The following KIAA0825 variants were observed in gnomAD, a reference collection of about 807,000 sequenced individuals.
KIAA0825 encodes uncharacterized protein KIAA0825.
KIAA0825 carries 119 observed loss-of-function variants against 147.6 expected under a neutral mutation model. That is an observed-to-expected ratio of 0.81 (90% CI 0.69 to 0.94). KIAA0825 has a LOEUF of 0.94. KIAA0825 is among the 40% of genes least tolerant of loss of function. The pLI, the probability that KIAA0825 is intolerant of heterozygous loss-of-function variation, is 0.00. For missense variants in KIAA0825, 1,381 were observed against 1,472.7 expected, an observed-to-expected ratio of 0.94 and a Z score of 1.02; for synonymous variants, 470 against 518.1, an observed-to-expected ratio of 0.91 and a Z score of 1.26.
At chr5:94,525,099 T>G (rs1406958641) in intron 3 of KIAA0825, among the ~76,000 whole-genome samples, 1 of 151,774 alleles carries the variant, frequency 6.6e-6, no homozygotes, top group Non-Finnish European at 1.5e-5. Flanking sequence ...GCAAATTCCT[T>G]TGAAGCTGAA....
At chr5:94,254,784 T>C (rs1776156583) in intron 20 of KIAA0825, among the ~76,000 whole-genome samples, 2 of 152,124 alleles carry the variant, frequency 1.3e-5, no homozygotes, top group Admixed American at 1.3e-4. Context: ...CCTGGTCTTC[T>C]GTATCTCATT....
intron 20 of KIAA0825, among the ~76,000 whole-genome samples, chr5:94,346,413 C>T (rs1218161928): frequency 6.6e-6 from 1 of 152,126 alleles, no homozygotes; most frequent in Non-Finnish European, 1.5e-5. Context: ...CAAGAACAAA[C>T]CAGCAATCCC....
chr5:94,288,736 T>C lies in KIAA0825; in HGVS notation c.3710+95632A>G, dbSNP rs1487203857. ...ATGGAAACTTTTGTAAAAACAGCTT[T>C]AAACACCCTGTTTGCCAAGTCAAAC... On this transcript the variant is annotated intron_variant, in intron 20 of 20. Coordinates refer to ENST00000682413, the MANE Select transcript of KIAA0825 (RefSeq NM_001145678.3). 2.0e-5 allele frequency among the ~76,000 whole-genome samples: 3 copies of C among 152,206 alleles called. No individual in the cohort carries two copies. The East Asian group carries it at 5.8e-4, about 29-fold the overall frequency.
chr5:94,606,229 C>T (rs1410808306), intron 1 of KIAA0825, among the ~76,000 whole-genome samples: 1 of 152,096 alleles, frequency 6.6e-6, no homozygotes, highest in Non-Finnish European at 1.5e-5. Context: ...ATGAGAATTA[C>T]AAAACACTCC....
At chr5:94,428,594 A>C (rs1184703882) in intron 14 of KIAA0825, among the ~76,000 whole-genome samples, 2 of 152,216 alleles carry the variant, frequency 1.3e-5, no homozygotes, top group Non-Finnish European at 2.9e-5. Context: ...ACTGACTCAC[A>C]AGGTTTCTGC....
chr5:94,410,773 A>G (rs1002846878), intron 15 of KIAA0825, among the ~76,000 whole-genome samples: 1 of 152,208 alleles, frequency 6.6e-6, no homozygotes, highest in Non-Finnish European at 1.5e-5. Flanking sequence ...AAATATTTCA[A>G]ACATGAAGGC....
chr5:94,478,671 T>C (rs1234257779), intron 6 of KIAA0825, among the ~76,000 whole-genome samples: 2 of 152,188 alleles, frequency 1.3e-5, no homozygotes, highest in African/African-American at 4.8e-5. Flanking sequence ...TTCAAGAAGA[T>C]AGTGTTACAA....
chr5:94,242,637 GCTTTTTC>G (rs978954036), intron 20 of KIAA0825, among the ~76,000 whole-genome samples: 1 of 122,706 alleles, frequency 8.1e-6, no homozygotes, highest in African/African-American at 3.1e-5. Context: ...CTTTCCTTTT[GCTTTTTC>G]CTTTTTCTTC....
At chr5:94,531,284 G>A (rs767874418) in intron 3 of KIAA0825, among the ~76,000 whole-genome samples, 13 of 152,148 alleles carry the variant, frequency 8.5e-5, no homozygotes, top group Non-Finnish European at 1.6e-4. Context: ...TATGTATGAT[G>A]ACGGAGAAAG....
intron 11 of KIAA0825, among the ~76,000 whole-genome samples, 197 bp from the exon 12 acceptor site, chr5:94,462,766 A>G (rs182261860): frequency 2.2e-4 from 33 of 151,896 alleles, no homozygotes; most frequent in Admixed American, 3.3e-4. Flanking sequence ...ATGACCCACA[A>G]TACCATTATC....
At chr5:94,203,696 G>A (rs896486799) in intron 20 of KIAA0825, among the ~76,000 whole-genome samples, 3 of 152,054 alleles carry the variant, frequency 2.0e-5, no homozygotes, top group African/African-American at 7.2e-5. Context: ...ACAGATACTC[G>A]AGTATCTGAT....
At chr5:94,494,099 A>C (rs1469348130) in intron 5 of KIAA0825, among the ~76,000 whole-genome samples, 1 of 152,002 alleles carries the variant, frequency 6.6e-6, no homozygotes, top group Non-Finnish European at 1.5e-5. Flanking sequence ...AAAAACTGAA[A>C]AGACACTGCT....
chr5:94,269,490 AT>A (rs954800053), intron 20 of KIAA0825, among the ~76,000 whole-genome samples: 4 of 152,030 alleles, frequency 2.6e-5, no homozygotes, highest in African/African-American at 7.2e-5. Flanking sequence ...GCTGAATGGA[AT>A]TTTTTTTAAA....
intron 5 of KIAA0825, among the ~76,000 whole-genome samples, chr5:94,497,558 C>A (rs1764532193): frequency 6.6e-6 from 1 of 151,894 alleles, no homozygotes; most frequent in Non-Finnish European, 1.5e-5. Flanking sequence ...GTCACAGAGC[C>A]CCAAAGTAAA....
intron 20 of KIAA0825, among the ~76,000 whole-genome samples, chr5:94,273,202 T>A (rs951381012): frequency 2.0e-5 from 3 of 152,158 alleles, no homozygotes; most frequent in African/African-American, 7.2e-5. Flanking sequence ...TTGCAAGTAT[T>A]AAATGAGTTA....
At chr5:94,231,233 A>G (rs1485498014) in intron 20 of KIAA0825, among the ~76,000 whole-genome samples, 1 of 152,134 alleles carries the variant, frequency 6.6e-6, no homozygotes, top group Non-Finnish European at 1.5e-5. Context: ...CAGGGCATCA[A>G]GGTACATCTT....
At chr5:94,326,149 C>T (rs1407917373) in intron 20 of KIAA0825, among the ~76,000 whole-genome samples, 2 of 152,018 alleles carry the variant, frequency 1.3e-5, no homozygotes, top group African/African-American at 4.8e-5. Flanking sequence ...ACTATATTTT[C>T]TCTCAATAAG....
rs544592810 is a variant in KIAA0825, at chr5:94,286,288, T to C, written c.3710+98080A>G. On this transcript the variant is annotated intron_variant, in intron 20 of 20. Coordinates refer to ENST00000682413, the MANE Select transcript of KIAA0825 (RefSeq NM_001145678.3). Reference sequence around the variant, plus strand: ...GTGTTTAACTACTTGTCATTTAAAATTTAGATTAGATAAGACCTCCAATAA... The same window carrying C: ...GTGTTTAACTACTTGTCATTTAAAACTTAGATTAGATAAGACCTCCAATAA... Among the ~76,000 whole-genome samples the C allele has an allele frequency of 2.1e-4, 32 of 152,280 alleles. No individual in the cohort carries two copies. In the South Asian group the frequency reaches 6.2e-3, roughly 30 times the overall value.
chr5:94,288,638 G>C (rs1417758205), intron 20 of KIAA0825, among the ~76,000 whole-genome samples: 1 of 152,092 alleles, frequency 6.6e-6, no homozygotes, highest in Non-Finnish European at 1.5e-5. Context: ...GGTTTTATCT[G>C]TCCATAAACA....
Sources: gnomAD v4.1 joint callset for allele counts (sites outside exome capture counted in the v4.1 genomes callset) on GRCh38, gnomAD v4.1.1 for gene constraint, MANE v1.5 for transcripts, NCBI Gene and HGNC (gene_info 2026-07-23, HGNC 2026-07-21) for gene names.